Variants in FAM178B observed in about 807,000 individuals in gnomAD.
FAM178B encodes the protein protein FAM178B.
FAM178B carries 82 observed loss-of-function variants against 91.7 expected under a neutral mutation model. The ratio of observed to expected loss-of-function variants is 0.89; its 90% confidence interval spans 0.75 to 1.07. The LOEUF (loss-of-function observed/expected upper bound fraction) is 1.07. Ranked by LOEUF, FAM178B falls within the 50% of genes least tolerant of loss-of-function variation. FAM178B has a pLI of 0.00. For missense variants in FAM178B, 769 were observed against 846.7 expected (o/e 0.91, Z 1.14); for synonymous variants, 368 against 359.4 (o/e 1.02, Z -0.27).
chr2:96,961,815 T>A (rs979730922), intron 5 of FAM178B, among the ~76,000 whole-genome samples: 1 of 152,056 alleles, frequency 6.6e-6, no homozygotes, highest in Non-Finnish European at 1.5e-5. Context: ...CTGACCCACA[T>A]CACAGGGTGG....
chr2:96,961,220 C>T (rs1274851569), intron 5 of FAM178B, among the ~76,000 whole-genome samples: 2 of 152,080 alleles, frequency 1.3e-5, no homozygotes, highest in African/African-American at 2.4e-5. Context: ...AGGGAGGCAG[C>T]GAAGATGTTT....
Position 96,972,553 on chromosome 2 carries a change from G to A in FAM178B, c.127C>T (p.Leu43Phe). The change falls in exon 2 of 17, where the codon CTT becomes TTT. Residue 43 changes from leucine to phenylalanine, a missense_variant. Physicochemically the swap from Leu to Phe is conservative, Grantham distance 22. Coordinates refer to ENST00000490605, the MANE Select transcript of FAM178B (RefSeq NM_001122646.3). ...MAGPQETVLA[L>F]PLREGVQAAA... Reference sequence around the variant, plus strand: ...AGACGCCTACCTTCTCTCAGAGGAAGGGCTAGCACCGTCTCCTGGGGCCCA... The same window carrying A: ...AGACGCCTACCTTCTCTCAGAGGAAAGGCTAGCACCGTCTCCTGGGGCCCA... The A allele has an allele frequency of 6.4e-7, 1 of 1,551,602 alleles. No individual in the cohort carries two copies. Among genetic ancestry groups the A allele is most frequent in the East Asian group, 2.4e-5 (1 of 40,938 alleles).
At chr2:96,894,621 C>G (rs2080771659) in intron 13 of FAM178B, among the ~76,000 whole-genome samples, 1 of 94,498 alleles carries the variant, frequency 1.1e-5, no homozygotes, top group African/African-American at 4.5e-5. Context: ...CACACCCACT[C>G]ACCCCCCCAC....
chr2:96,887,880 G>A (rs565433522), intron 14 of FAM178B, among the ~76,000 whole-genome samples: 1 of 152,342 alleles, frequency 6.6e-6, no homozygotes, highest in South Asian at 2.1e-4. Flanking sequence ...GGGTGGGGCA[G>A]GGAGCAGGCC....
chr2:96,978,728 C>T (rs1294061593), intron 1 of FAM178B, among the ~76,000 whole-genome samples: 1 of 151,118 alleles, frequency 6.6e-6, no homozygotes, highest in Non-Finnish European at 1.5e-5. Flanking sequence ...AGGTTCACGC[C>T]ATTCTCCTAC....
intron 12 of FAM178B, among the ~76,000 whole-genome samples, chr2:96,906,515 A>G (rs1574227516): frequency 6.6e-6 from 1 of 152,054 alleles, no homozygotes; most frequent in African/African-American, 2.4e-5. Context: ...GGGCCCCTTC[A>G]GCCTCAACCC....
chr2:96,983,735 T>C (rs1266269873), intron 1 of FAM178B, among the ~76,000 whole-genome samples: 2 of 152,164 alleles, frequency 1.3e-5, no homozygotes, highest in Non-Finnish European at 2.9e-5. Context: ...AATCATCAAT[T>C]TTGTGCACTT....
intron 13 of FAM178B, among the ~76,000 whole-genome samples, chr2:96,900,406 C>A (rs1259803794): frequency 1.3e-5 from 2 of 152,182 alleles, no homozygotes; most frequent in African/African-American, 4.8e-5. Flanking sequence ...GTCCCTTCCA[C>A]AAGCGTGCAC....
intron 7 of FAM178B, among the ~76,000 whole-genome samples, chr2:96,949,186 G>A (rs1336300440): frequency 2.0e-5 from 3 of 152,218 alleles, no homozygotes; most frequent in East Asian, 1.9e-4. Flanking sequence ...CCCCAGGGAG[G>A]AGTACACGGG....
chr2:96,889,125 C>T (rs2080601867), intron 14 of FAM178B, among the ~76,000 whole-genome samples: 1 of 152,204 alleles, frequency 6.6e-6, no homozygotes. Context: ...GGGACATCAT[C>T]TGGCTGGGAG....
intron 12 of FAM178B, 126 bp downstream of exon 12, chr2:96,921,039 C>G: frequency 1.4e-6 from 1 of 717,360 alleles, no homozygotes; most frequent in South Asian, 1.6e-5. Flanking sequence ...TTTTAGTTCT[C>G]CCTCCTGGGG....
chr2:96,878,271 T>A, intron 15 of FAM178B, 145 bp downstream of exon 15: 1 of 857,154 alleles, frequency 1.2e-6, no homozygotes. Flanking sequence ...AGGCCCTGGC[T>A]CTCCCACGCT....
chr2:96,946,759 A>C (rs2081835769), intron 8 of FAM178B, among the ~76,000 whole-genome samples: 1 of 152,268 alleles, frequency 6.6e-6, no homozygotes, highest in Admixed American at 6.5e-5. Flanking sequence ...GGCATGCCGC[A>C]GAGGCGGCCC....
chr2:96,930,504 C>T (rs965436494), intron 8 of FAM178B, among the ~76,000 whole-genome samples: 7 of 152,212 alleles, frequency 4.6e-5, no homozygotes, highest in African/African-American at 1.7e-4. Flanking sequence ...TCCGACTTAG[C>T]AGTTGACTTG....
intron 13 of FAM178B, among the ~76,000 whole-genome samples, chr2:96,895,864 G>C (rs889299743): frequency 6.6e-6 from 1 of 152,200 alleles, no homozygotes; most frequent in African/African-American, 2.4e-5. Flanking sequence ...GTTATGGGCT[G>C]AGACAGCCCA....
chr2:96,882,182 T>A lies in FAM178B; in HGVS notation c.1777-3689A>T, dbSNP rs950332098. ...TCCTGTCCAGACAACAAGCAAGGTG[T>A]CCCCACCCTCCCACCAGACCCCTCT... On this transcript the variant is annotated intron_variant, in intron 14 of 16. Coordinates refer to ENST00000490605, the MANE Select transcript of FAM178B (RefSeq NM_001122646.3). Among the ~76,000 whole-genome samples, 3 of 152,202 alleles carry A rather than the reference T, an allele frequency of 2.0e-5. No homozygotes were observed. The East Asian group carries it at 5.8e-4, about 29-fold the overall frequency.
At chr2:96,943,397 G>A (rs1020704750) in intron 8 of FAM178B, among the ~76,000 whole-genome samples, 3 of 152,040 alleles carry the variant, frequency 2.0e-5, no homozygotes, top group Non-Finnish European at 2.9e-5. Flanking sequence ...TCTTATCAGC[G>A]CTTTCAAGGT....
intron 1 of FAM178B, among the ~76,000 whole-genome samples, chr2:96,982,987 G>A (rs1400147450): frequency 3.4e-5 from 5 of 145,940 alleles, no homozygotes; most frequent in Non-Finnish European, 7.5e-5. Context: ...GAAGCAATCC[G>A]CCTGCCTCAG....
rs1266443563 is a variant in FAM178B, at chr2:96,986,550, C to T, written c.-237G>A. 3 of 527,638 alleles carry T rather than the reference C, an allele frequency of 5.7e-6. No individual in the cohort carries two copies. Among genetic ancestry groups the T allele is most frequent in the East Asian group, 7.3e-5 (2 of 27,560 alleles). The allele number at this position is 527,638 out of a possible 1,614,324, so 32.7% of individuals were successfully genotyped here. A position where few individuals can be genotyped will look rare whatever the true frequency, so the allele number is the denominator to read the frequency against. ...AGCGGCCAGCTCACAGCCGCCGCCG[C>T]CGCCAGCTGGGGAGCTCGCCGGCCA... On this transcript the variant is annotated 5_prime_UTR_variant, in exon 1 of 17. Coordinates refer to ENST00000490605, the MANE Select transcript of FAM178B (RefSeq NM_001122646.3).
Sources: allele counts gnomAD v4.1 joint callset (sites outside exome capture counted in the v4.1 genomes callset), GRCh38; gene constraint gnomAD v4.1.1; transcripts MANE v1.5; gene names NCBI Gene and HGNC (gene_info 2026-07-23, HGNC 2026-07-21).